PRR5: variants seen among roughly 807,000 people sequenced by gnomAD.
PRR5 encodes the protein proline rich 5.
A neutral mutation model predicts 30.6 loss-of-function variants in PRR5; 25 were observed. That is an observed-to-expected ratio of 0.82 (90% CI 0.60 to 1.14). The LOEUF is 1.14. PRR5 is among the 50% of genes most tolerant of loss of function. PRR5 has a pLI of 0.00. For missense variants in PRR5, 600 were observed against 547.1 expected (o/e 1.10, Z -0.96); for synonymous variants, 286 against 247.1 (o/e 1.16, Z -1.48).
At chr22:44,733,701 C>T (rs532030206) in intron 6 of PRR5, among the ~76,000 whole-genome samples, 2 of 152,282 alleles carry the variant, frequency 1.3e-5, no homozygotes, top group South Asian at 4.1e-4. Flanking sequence ...GTCACTGCTC[C>T]TACAGGCAGA....
intron 2 of PRR5, among the ~76,000 whole-genome samples, chr22:44,718,893 C>G (rs1203400207): frequency 6.6e-6 from 1 of 152,096 alleles, no homozygotes; most frequent in Non-Finnish European, 1.5e-5. Flanking sequence ...TATTGTGGAT[C>G]TAGAGTCTGT....
Position 44,691,246 on chromosome 22 carries a change from G to T in PRR5, c.-10-11246G>T, listed in dbSNP as rs1439295253. On this transcript the variant is annotated intron_variant, in intron 1 of 8. Transcript: ENST00000006251. This position sits in a 1 kb window ranked among gnomAD's most constrained non-coding sequence, Gnocchi z 4.4. ...AGAGAAAACCGGGGTCTGGAATGGG[G>T]ATTCTGAGGTTGGTCCTGGCCCTGC... Among the ~76,000 whole-genome samples the T allele has an allele frequency of 1.3e-5, 2 of 152,172 alleles. No homozygotes were observed. Among genetic ancestry groups the T allele is most frequent in the Non-Finnish European group, 2.9e-5 (2 of 68,034 alleles).
chr22:44,692,192 C>T (rs1037816784), intron 1 of PRR5, among the ~76,000 whole-genome samples: 2 of 146,482 alleles, frequency 1.4e-5, no homozygotes, highest in African/African-American at 2.5e-5. Flanking sequence ...CCACCCGGGG[C>T]TCCTCCTCCC....
At chr22:44,709,434 C>T (rs1181547968) in intron 1 of PRR5, among the ~76,000 whole-genome samples, 1 of 152,028 alleles carries the variant, frequency 6.6e-6, no homozygotes. Flanking sequence ...AGGAAGGGGC[C>T]CCAAGCCAAA....
intron 1 of PRR5, among the ~76,000 whole-genome samples, chr22:44,690,650 T>C (rs934953643): frequency 6.6e-6 from 1 of 152,182 alleles, no homozygotes; most frequent in Non-Finnish European, 1.5e-5. Flanking sequence ...ATCTATTAAG[T>C]GGTGAAGCCG....
chr22:44,732,180 C>G (rs534692891), intron 5 of PRR5, 71 bp from the exon 6 acceptor site: 158 of 1,580,162 alleles, frequency 1.0e-4, no homozygotes, highest in Non-Finnish European at 1.3e-4. Flanking sequence ...TGTGGGGTCC[C>G]AGGACCGGGA....
intron 2 of PRR5, among the ~76,000 whole-genome samples, chr22:44,720,153 C>T (rs975995273): frequency 2.0e-5 from 3 of 152,210 alleles, no homozygotes; most frequent in African/African-American, 7.2e-5. Context: ...GGTCCCCTCC[C>T]ACTGTCAGGG....
At chr22:44,669,570 A>T (rs982708389) in intron 1 of PRR5, among the ~76,000 whole-genome samples, 2 of 152,220 alleles carry the variant, frequency 1.3e-5, no homozygotes, top group African/African-American at 4.8e-5. Context: ...ACCTAATCAG[A>T]TGGATTTCTA....
chr22:44,718,192 C>CTTTTTTTTTTTTTTT (rs34868054), intron 2 of PRR5, among the ~76,000 whole-genome samples: 17 of 94,582 alleles, frequency 1.8e-4, no homozygotes, highest in Non-Finnish European at 1.9e-4. Context: ...TTTCATCTCT[C>CTTTTTTTTTTTTTTT]TTTTTTTTTT....
chr22:44,670,683 T>C (rs1161528153), intron 1 of PRR5, among the ~76,000 whole-genome samples: 1 of 152,116 alleles, frequency 6.6e-6, no homozygotes, highest in African/African-American at 2.4e-5. Flanking sequence ...GCAGAAACAT[T>C]TGTGAGCTAA....
chr22:44,694,267 G>A (rs1317205281), intron 1 of PRR5, among the ~76,000 whole-genome samples: 1 of 152,214 alleles, frequency 6.6e-6, no homozygotes, highest in Non-Finnish European at 1.5e-5. Flanking sequence ...GCCAGGTGTG[G>A]TGGCTCATGC....
At chr22:44,717,016 G>A (rs946332161) in intron 2 of PRR5, among the ~76,000 whole-genome samples, 3 of 151,902 alleles carry the variant, frequency 2.0e-5, no homozygotes, top group Non-Finnish European at 4.4e-5. Context: ...TGTCAAGACT[G>A]TGTCACTGCA....
chr22:44,677,965 A>G lies in PRR5; in HGVS notation c.-11+725A>G, dbSNP rs942313583. 3.3e-5 allele frequency among the ~76,000 whole-genome samples: 5 copies of G among 152,192 alleles called. No individual in the cohort carries two copies. The East Asian group carries it at 7.7e-4, about 23-fold the overall frequency. On this transcript the variant is annotated intron_variant, in intron 1 of 8. Coordinates refer to the PRR5 transcript ENST00000006251. ...TGGCAGGCTTTGCATTGGCTCATCC[A>G]GGAAATAACCGGGAGCTGGTGCTGG...
upstream of PRR5, among the ~76,000 whole-genome samples, chr22:44,672,471 C>G (rs1923479360): frequency 6.6e-6 from 1 of 152,132 alleles, no homozygotes; most frequent in Admixed American, 6.5e-5. Flanking sequence ...GTAGTCCCAG[C>G]TACTCGGGAG....
At chr22:44,699,989 T>C (rs1926110213), upstream of PRR5, among the ~76,000 whole-genome samples, 1 of 152,222 alleles carries the variant, frequency 6.6e-6, no homozygotes, top group Middle Eastern at 3.4e-3. Context: ...TGAAATTTGG[T>C]TTGGGATCTA....
At chr22:44,681,127 C>T (rs557492065) in intron 1 of PRR5, among the ~76,000 whole-genome samples, 1 of 152,326 alleles carries the variant, frequency 6.6e-6, no homozygotes, top group South Asian at 2.1e-4. Context: ...ATCCTCCTCT[C>T]CTGGCCTCTG....
chr22:44,723,320 G>A (rs1424397303), intron 2 of PRR5, among the ~76,000 whole-genome samples: 1 of 151,916 alleles, frequency 6.6e-6, no homozygotes, highest in Non-Finnish European at 1.5e-5. Flanking sequence ...TTGTACTGTT[G>A]GTCTATTGGT....
chr22:44,713,932 C>T (rs1167352038), intron 1 of PRR5, among the ~76,000 whole-genome samples: 3 of 152,182 alleles, frequency 2.0e-5, no homozygotes, highest in African/African-American at 7.2e-5. Flanking sequence ...GCCTCCCGAG[C>T]AGCTGGGACT....
Position 44,702,235 on chromosome 22 carries a change from G to T in PRR5, c.-240G>T. 8.9e-7 allele frequency: 1 copy of T among 1,118,310 alleles called. No individual in the cohort carries two copies. Among genetic ancestry groups the T allele is most frequent in the Non-Finnish European group, 1.1e-6 (1 of 914,858 alleles). The allele number at this position is 1,118,310 out of a possible 1,614,324, so 69.3% of individuals were successfully genotyped here. On this transcript the variant is annotated 5_prime_UTR_variant, in exon 1 of 8. Transcript: ENST00000336985. ...CGTTTGCGCCGGGTCTGTGCTGGCC[G>T]CGCGCCTGGCGCTCCACGCTGAGCC...
Sources: allele counts gnomAD v4.1 joint callset (sites outside exome capture counted in the v4.1 genomes callset), GRCh38; gene constraint gnomAD v4.1.1; non-coding constraint Gnocchi (gnomAD v3.1); transcripts MANE v1.5; gene names NCBI Gene and HGNC (gene_info 2026-07-23, HGNC 2026-07-21).